PHF21A: variants seen among roughly 807,000 people sequenced by gnomAD.
PHF21A encodes the protein BHC80a.
PHF21A carries 11 observed loss-of-function variants against 82.5 expected under a neutral mutation model. That is an observed-to-expected ratio of 0.13 (90% CI 0.08 to 0.22). The LOEUF is 0.22. Ranked by LOEUF, PHF21A falls within the 10% of genes least tolerant of loss-of-function variation. PHF21A has a pLI of 1.00. For missense variants in PHF21A, 579 were observed against 837.8 expected (o/e 0.69, Z 3.81); for synonymous variants, 297 against 302.8 (o/e 0.98, Z 0.20).
intron 6 of PHF21A, among the ~76,000 whole-genome samples, chr11:46,035,523 T>C (rs2095980126): frequency 6.6e-6 from 1 of 152,198 alleles, no homozygotes; most frequent in Admixed American, 6.5e-5. Flanking sequence ...TGACTCTCAT[T>C]GAGTTTAAAA....
intron 13 of PHF21A, 64 bp downstream of exon 13, chr11:45,949,338 G>A (rs1382143427): frequency 7.6e-5 from 98 of 1,292,022 alleles, no homozygotes; most frequent in Non-Finnish European, 2.3e-6. Context: ...CAGAGGGGAG[G>A]CACTGAACAG....
chr11:46,043,899 A>T (rs2096207001), intron 6 of PHF21A, among the ~76,000 whole-genome samples: 1 of 152,200 alleles, frequency 6.6e-6, no homozygotes, highest in Admixed American at 6.5e-5. Context: ...TGCAGAAAAC[A>T]GTAAAAGATG....
intron 15 of PHF21A, among the ~76,000 whole-genome samples, chr11:45,940,235 G>A (rs1012105590): frequency 1.2e-4 from 18 of 150,156 alleles, no homozygotes; most frequent in African/African-American, 4.2e-4. Context: ...TTGCTCTGTT[G>A]CCCAGGCTGG....
chr11:46,033,881 C>A (rs79635709), intron 6 of PHF21A, among the ~76,000 whole-genome samples: 1,539 of 152,252 alleles, frequency 0.01, 27 homozygotes, highest in African/African-American at 0.035. Flanking sequence ...GAGTATATAT[C>A]TAGGAGGAGA....
intron 6 of PHF21A, among the ~76,000 whole-genome samples, chr11:46,073,745 C>T (rs2096685358): frequency 6.6e-6 from 1 of 152,148 alleles, no homozygotes; most frequent in Non-Finnish European, 1.5e-5. Flanking sequence ...TTTCCAAAAC[C>T]ATGATCTTAA....
chr11:46,034,417 C>G (rs2095943810), intron 6 of PHF21A, among the ~76,000 whole-genome samples: 3 of 151,952 alleles, frequency 2.0e-5, no homozygotes, highest in Admixed American at 2.0e-4. Flanking sequence ...TTCTTTTATC[C>G]TCTTATGTTA....
chr11:45,951,830 G>A (rs543078270), intron 11 of PHF21A, among the ~76,000 whole-genome samples: 6 of 115,070 alleles, frequency 5.2e-5, no homozygotes, highest in Admixed American at 1.0e-4. Context: ...TTTTTGAGGC[G>A]GAGTCTCACT....
intron 15 of PHF21A, among the ~76,000 whole-genome samples, chr11:45,943,064 G>T (rs1175525814): frequency 6.7e-6 from 1 of 149,854 alleles, no homozygotes; most frequent in Non-Finnish European, 1.5e-5. Context: ...ATGCAGACGT[G>T]ATCACTTTTC....
At chr11:46,028,640 C>T (rs1415714059) in intron 6 of PHF21A, among the ~76,000 whole-genome samples, 2 of 137,808 alleles carry the variant, frequency 1.5e-5, no homozygotes, top group African/African-American at 5.4e-5. Context: ...GTGGCATGAT[C>T]TCGGCTCACT....
rs765942584 is a variant in PHF21A, at chr11:45,969,920, GAT to G, written c.613-18_613-17del. ...CCTGAACCTGCTAAAAAATGAGGAA[GAT>G]AAATAAACCAGAGAGAACAATTACT... On this transcript the variant is annotated splice_polypyrimidine_tract_variant and intron_variant, in intron 8 of 18. Transcript: ENST00000676320. 22 of 1,559,180 alleles carry G rather than the reference GAT, an allele frequency of 1.4e-5. No individual in the cohort carries two copies. Among genetic ancestry groups the G allele is most frequent in the Non-Finnish European group, 1.8e-5 (20 of 1,132,310 alleles).
At chr11:46,085,600 G>T (rs2096847438) in intron 3 of PHF21A, among the ~76,000 whole-genome samples, 1 of 152,098 alleles carries the variant, frequency 6.6e-6, no homozygotes, top group Admixed American at 6.6e-5. Context: ...CTTGTAGCTA[G>T]AGCAGCTTTT....
chr11:46,094,245 C>G (rs1212489031), intron 1 of PHF21A, among the ~76,000 whole-genome samples: 2 of 152,304 alleles, frequency 1.3e-5, no homozygotes, highest in East Asian at 1.9e-4. Flanking sequence ...AAATGAGGAG[C>G]AGGGCCAATC....
intron 8 of PHF21A, chr11:45,970,716 A>C (rs949409108): frequency 6.1e-6 from 1 of 162,676 alleles, no homozygotes; most frequent in Non-Finnish European, 1.3e-5. Flanking sequence ...TAAAACTAAA[A>C]GAATTATCAG....
chr11:46,090,977 T>C (rs546043143), intron 2 of PHF21A, among the ~76,000 whole-genome samples: 10 of 152,248 alleles, frequency 6.6e-5, no homozygotes, highest in Admixed American at 2.6e-4. Flanking sequence ...TAAGATTCCA[T>C]CCCATGTCAA....
At position 45,965,194 on chromosome 11, in the gene PHF21A, G is replaced by T; in HGVS notation, c.996+121C>A. 1.5e-5 allele frequency: 12 copies of T among 801,172 alleles called. No individual in the cohort carries two copies. The South Asian group carries it at 2.2e-4, about 14-fold the overall frequency. 49.6% of individuals were successfully genotyped at this position (801,172 alleles called of 1,614,324 possible). A position where few individuals can be genotyped will look rare whatever the true frequency, so the allele number is the denominator to read the frequency against. The stretch of plus-strand genomic sequence containing the variant: ...GATGAATTATCGCACATAAGCGACA[G>T]CTTACTGACAATGGTGGTGAGATGA... On this transcript the variant is annotated intron_variant, in intron 10 of 18. Coordinates refer to ENST00000676320, the MANE Select transcript of PHF21A (RefSeq NM_001352027.3).
intron 10 of PHF21A, among the ~76,000 whole-genome samples, chr11:45,963,176 T>C (rs937130146): frequency 6.6e-6 from 1 of 151,948 alleles, no homozygotes; most frequent in Non-Finnish European, 1.5e-5. Context: ...TCCCACCACT[T>C]TGGGAGGCCA....
At chr11:46,080,047 A>G (rs2096771729) in intron 4 of PHF21A, among the ~76,000 whole-genome samples, 1 of 152,224 alleles carries the variant, frequency 6.6e-6, no homozygotes, top group South Asian at 2.1e-4. Flanking sequence ...CTATTACCCA[A>G]GTCAATTTTT....
intron 6 of PHF21A, among the ~76,000 whole-genome samples, chr11:46,036,938 T>C (rs2096016698): frequency 6.6e-6 from 1 of 152,212 alleles, no homozygotes. Flanking sequence ...CTTGAACTCC[T>C]GGCCTCAGGC....
intron 7 of PHF21A, among the ~76,000 whole-genome samples, chr11:45,975,392 T>C (rs187504584): frequency 7.0e-4 from 67 of 95,880 alleles, no homozygotes; most frequent in African/African-American, 1.2e-3. Context: ...CAAAACAAAA[T>C]AAAATAAAAC....
Sources: gnomAD v4.1 joint callset for allele counts (sites outside exome capture counted in the v4.1 genomes callset) on GRCh38, gnomAD v4.1.1 for gene constraint, MANE v1.5 for transcripts, NCBI Gene and HGNC (gene_info 2026-07-23, HGNC 2026-07-21) for gene names.